CFAP54: variants seen among roughly 807,000 people sequenced by gnomAD.
CFAP54 encodes the protein cilia- and flagella-associated protein 54.
Under a neutral mutation model 370.4 loss-of-function variants are expected in CFAP54, and 290 were observed. The observed-to-expected ratio is 0.78, with a 90% CI of 0.71 to 0.86. The LOEUF is 0.86. Ranked by LOEUF, CFAP54 falls within the 40% of genes least tolerant of loss-of-function variation. CFAP54 has a pLI of 0.00. For missense variants in CFAP54, 3,399 were observed against 3,528.7 expected (o/e 0.96, Z 0.93); for synonymous variants, 1,206 against 1,236.5 (o/e 0.98, Z 0.52).
intron 63 of CFAP54, among the ~76,000 whole-genome samples, chr12:96,803,515 C>T (rs1183511186): frequency 6.6e-6 from 1 of 152,050 alleles, no homozygotes; most frequent in African/African-American, 2.4e-5. Context: ...CTGCTGCCAC[C>T]AGTGGGGTCT....
chr12:96,526,674 C>A (rs1438994822), intron 8 of CFAP54, among the ~76,000 whole-genome samples: 1 of 152,008 alleles, frequency 6.6e-6, no homozygotes, highest in Admixed American at 6.6e-5. Flanking sequence ...GCTTAATAAG[C>A]AAACCATAAT....
At chr12:96,537,406 A>G (rs1403253429) in intron 12 of CFAP54, among the ~76,000 whole-genome samples, 2 of 152,038 alleles carry the variant, frequency 1.3e-5, no homozygotes, top group African/African-American at 4.8e-5. Flanking sequence ...CAGTGGTGCA[A>G]TTTTGGCTCA....
At chr12:96,511,506 T>C in intron 4 of CFAP54, among the ~76,000 whole-genome samples, 1 of 152,110 alleles carries the variant, frequency 6.6e-6, no homozygotes, top group Non-Finnish European at 1.5e-5. Context: ...TTAGTAGAGA[T>C]GGGGTTTCTC....
intron 32 of CFAP54, among the ~76,000 whole-genome samples, chr12:96,633,485 G>A (rs1487444420): frequency 6.6e-6 from 1 of 152,154 alleles, no homozygotes; most frequent in East Asian, 1.9e-4. Flanking sequence ...GTGTTTGTGT[G>A]TCTGTGTGTA....
intron 19 of CFAP54, among the ~76,000 whole-genome samples, chr12:96,566,344 G>A (rs1420390765): frequency 6.6e-6 from 1 of 152,112 alleles, no homozygotes; most frequent in Non-Finnish European, 1.5e-5. Context: ...TAAAGGGACT[G>A]GCCAGCATCA....
At chr12:96,851,068 C>T (rs543544676) in intron 66 of CFAP54, among the ~76,000 whole-genome samples, 9 of 152,220 alleles carry the variant, frequency 5.9e-5, no homozygotes, top group African/African-American at 2.2e-4. Context: ...AAATACTTTA[C>T]CTTTTAATGC....
chr12:96,787,248 A>C (rs1049739801), intron 62 of CFAP54, among the ~76,000 whole-genome samples: 2 of 152,238 alleles, frequency 1.3e-5, no homozygotes, highest in Non-Finnish European at 2.9e-5. Context: ...TAGTGTCTAA[A>C]TCTGTGCCCA....
chr12:96,613,271 T>G (rs1956378633), intron 26 of CFAP54, among the ~76,000 whole-genome samples: 1 of 152,166 alleles, frequency 6.6e-6, no homozygotes, highest in South Asian at 2.1e-4. Context: ...GAATGACTAC[T>G]GGGTACATAA....
intron 62 of CFAP54, 118 bp from the exon 63 acceptor site, chr12:96,792,211 C>A: frequency 6.0e-6 from 5 of 836,066 alleles, no homozygotes; most frequent in Non-Finnish European, 7.0e-6. Context: ...TTAAGATTTA[C>A]CTCCATAAAA....
Position 96,753,720 on chromosome 12 carries a change from C to A in CFAP54, c.7685-23C>A, listed in dbSNP as rs553534572. 3 of 1,605,452 alleles carry A rather than the reference C, an allele frequency of 1.9e-6. No individual in the cohort carries two copies. The East Asian group carries it at 6.7e-5, about 36-fold the overall frequency. On this transcript the variant is annotated intron_variant, in intron 55 of 67. Transcript: ENST00000524981. ...ACACCGTGTATTTTTTTGTTCTTCC[C>A]CACCGAACTGTTTTTCTTTTAGGAC...
At chr12:96,709,574 A>G (rs1019052083) in intron 48 of CFAP54, among the ~76,000 whole-genome samples, 1 of 152,116 alleles carries the variant, frequency 6.6e-6, no homozygotes, top group Non-Finnish European at 1.5e-5. Flanking sequence ...TCAATGCTCT[A>G]TCTGCATCTA....
Position 96,779,069 on chromosome 12 carries a change from C to G in CFAP54, c.8282-5648C>G, listed in dbSNP as rs1032777806. On this transcript the variant is annotated intron_variant, in intron 60 of 67. Coordinates refer to ENST00000524981, the MANE Select transcript of CFAP54 (RefSeq NM_001306084.2). ...TTGCAATGAGCTGAGATCGTGCCATCGCACTCCAGCCTGGGCAACACGAGT... is the reference window on the plus strand; with the variant it reads ...TTGCAATGAGCTGAGATCGTGCCATGGCACTCCAGCCTGGGCAACACGAGT... 2.7e-5 allele frequency among the ~76,000 whole-genome samples: 4 copies of G among 147,908 alleles called. No homozygotes were observed. In the East Asian group the frequency reaches 8.0e-4, roughly 30 times the overall value.
At chr12:96,650,530 C>G (rs1268008656) in intron 35 of CFAP54, among the ~76,000 whole-genome samples, 1 of 152,156 alleles carries the variant, frequency 6.6e-6, no homozygotes, top group Non-Finnish European at 1.5e-5. Context: ...CGGTCTCCTT[C>G]TTCCCATCAC....
At chr12:96,511,772 C>T (rs367825242) in intron 4 of CFAP54, among the ~76,000 whole-genome samples, 1 of 152,208 alleles carries the variant, frequency 6.6e-6, no homozygotes, top group Non-Finnish European at 1.5e-5. Context: ...GCGTGAGCCA[C>T]GGCGCCTGGC....
rs116663900 is a variant in CFAP54, at chr12:96,657,944, C to T, written c.5163C>T (p.Asn1721=). The change falls in exon 37 of 68, where the codon AAC becomes AAT. Residue 1721 remains asparagine (N), a synonymous_variant. Transcript: ENST00000524981. ...PSCYGNIKND[N]GGSSLTFEHP... ...GTTATGGGAATATTAAAAATGACAA[C>T]GGTGGTTCTAGTCTTACCTTTGAGC... The T allele has an allele frequency of 5.8e-4, 943 of 1,613,452 alleles. 4 individuals are homozygous for T. In the African/African-American group the frequency reaches 9.0e-3, roughly 15 times the overall value.
At chr12:96,500,962 G>T (rs1333890991) in intron 2 of CFAP54, 23 bp downstream of exon 2, 2 of 1,421,588 alleles carry the variant, frequency 1.4e-6, no homozygotes, top group Non-Finnish European at 1.9e-6. Flanking sequence ...GCAGGAAAGA[G>T]CCAAAAAGAA....
intron 26 of CFAP54, among the ~76,000 whole-genome samples, chr12:96,615,610 C>T (rs1260666665): frequency 6.6e-6 from 1 of 152,088 alleles, no homozygotes; most frequent in African/African-American, 2.4e-5. Context: ...TGCAATCTAT[C>T]CATCTGACAA....
intron 55 of CFAP54, among the ~76,000 whole-genome samples, chr12:96,752,558 C>T (rs1958198730): frequency 6.6e-6 from 1 of 152,158 alleles, no homozygotes; most frequent in Non-Finnish European, 1.5e-5. Flanking sequence ...ATTATTTCTC[C>T]TACTTCCATT....
Position 96,664,723 on chromosome 12 carries a change from A to G in CFAP54, c.5563+791A>G, listed in dbSNP as rs1310704677. Among the ~76,000 whole-genome samples, 5 of 12,370 alleles carry G rather than the reference A, an allele frequency of 4.0e-4. 1 individual carries two copies. Among genetic ancestry groups the G allele is most frequent in the African/African-American group, 1.4e-3 (5 of 3,612 alleles). 8.1% of individuals were successfully genotyped at this position (12,370 alleles called of 152,430 possible). ...TATATATATATATATATCTATATAT[A>G]TCTATATATATATATCTATATATAT... is the stretch of plus-strand genomic sequence containing the variant. On this transcript the variant is annotated intron_variant, in intron 39 of 67. Coordinates refer to ENST00000524981, the MANE Select transcript of CFAP54 (RefSeq NM_001306084.2).
Sources: allele counts gnomAD v4.1 joint callset (sites outside exome capture counted in the v4.1 genomes callset), GRCh38; gene constraint gnomAD v4.1.1; transcripts MANE v1.5; gene names NCBI Gene and HGNC (gene_info 2026-07-23, HGNC 2026-07-21).